The following SPATA13 variants were observed in gnomAD, a reference collection of about 807,000 sequenced individuals.
SPATA13 encodes the protein spermatogenesis-associated protein 13.
SPATA13 carries 50 observed loss-of-function variants against 104.0 expected under a neutral mutation model. The observed-to-expected ratio is 0.48, with a 90% CI of 0.38 to 0.61. The LOEUF (loss-of-function observed/expected upper bound fraction) is 0.61, where lower values mean the gene tolerates loss of function less well. SPATA13 is among the 20% of genes least tolerant of loss of function. SPATA13 has a pLI of 0.00. For synonymous variants in SPATA13, 606 were observed against 667.5 expected, an observed-to-expected ratio of 0.91 and a Z score of 1.42; for missense variants, 1,524 against 1,690.6, an observed-to-expected ratio of 0.90 and a Z score of 1.73.
intron 3 of SPATA13, among the ~76,000 whole-genome samples, chr13:24,142,133 T>G (rs1881783106): frequency 6.6e-6 from 1 of 151,560 alleles, no homozygotes; most frequent in South Asian, 2.1e-4. Context: ...AGCTTTTTTA[T>G]GCTACAAATA....
At chr13:24,087,367 C>T (rs1319791857) in intron 3 of SPATA13, among the ~76,000 whole-genome samples, 1 of 152,228 alleles carries the variant, frequency 6.6e-6, no homozygotes, top group African/African-American at 2.4e-5. Flanking sequence ...CTCCCTCCCC[C>T]AGGGGCAGGA....
chr13:24,249,766 G>A lies in SPATA13; in HGVS notation c.1943G>A (p.Arg648His), dbSNP rs764428674. ...TGCCCCAAAGGAGCCCGGAGAAGGC[G>A]CCCCATTTCCGTGATAGGTGGGGTC... ...VGCPKGARRR[R>H]PISVIGGVSL... The change falls in exon 3 of 13, where the codon CGC becomes CAC. Residue 648 changes from arginine (R) to histidine (H), a missense_variant. By Grantham distance (29) the Arg-to-His change is conservative. Around this residue, in one of 2 missense-constraint regions of SPATA13, gnomAD observed 1,089 missense variants for 1,135.9 expected, o/e 0.96. Transcript: ENST00000382108. 16 of 1,614,058 alleles carry A rather than the reference G, an allele frequency of 9.9e-6. No individual in the cohort carries two copies. The Admixed American group carries it at 1.8e-4, about 18-fold the overall frequency.
chr13:24,095,677 C>T (rs1338927838), intron 3 of SPATA13, among the ~76,000 whole-genome samples: 1 of 152,144 alleles, frequency 6.6e-6, no homozygotes, highest in Admixed American at 6.5e-5. Context: ...GACTTCTCTT[C>T]TATGTGGATG....
In SPATA13 at chr13:24,302,729, C is replaced by T; in HGVS notation, c.3790C>T (p.Leu1264Phe). 1 of 1,614,164 alleles carries T rather than the reference C, an allele frequency of 6.2e-7. No individual in the cohort carries two copies. Among genetic ancestry groups the T allele is most frequent in the Non-Finnish European group, 8.5e-7 (1 of 1,180,040 alleles). ...GLAEPKRKSS[L>F]FWHTFNRLTP... ...GGCGGAACCCAAGAGGAAGTCCTCGCTCTTCTGGCACACCTTCAACAGGCT... is the reference window on the plus strand; with the variant it reads ...GGCGGAACCCAAGAGGAAGTCCTCGTTCTTCTGGCACACCTTCAACAGGCT... The change falls in exon 13 of 13, where the codon CTC becomes TTC. Residue 1264 changes from leucine to phenylalanine, a missense_variant. Leu to Phe is a conservative substitution (Grantham distance 22). This residue lies in a region of SPATA13 where 435 missense variants were observed against 554.8 expected (regional missense o/e 0.78). Coordinates refer to ENST00000382108, the MANE Select transcript of SPATA13 (RefSeq NM_001166271.3).
chr13:24,284,041 T>C, intron 4 of SPATA13, 94 bp from the exon 5 acceptor site: 1 of 1,306,622 alleles, frequency 7.7e-7, no homozygotes, highest in Admixed American at 2.2e-5. Flanking sequence ...GATGATTACC[T>C]TCCCTTGGGA....
chr13:24,305,624 C>T lies in SPATA13; in HGVS notation c.*2851C>T, dbSNP rs1156569049. ...TCCTCCATGGACAGTGTATGAATTT[C>T]ATTGGGAATCTTGCTCTCTCCCGCC... On this transcript the variant is annotated 3_prime_UTR_variant, in exon 13 of 13. Transcript: ENST00000382108. 6.6e-6 allele frequency: 1 copy of T among 152,208 alleles called. No individual in the cohort carries two copies. Among genetic ancestry groups the T allele is most frequent in the Non-Finnish European group, 1.5e-5 (1 of 68,038 alleles). The allele number at this position is 152,208 out of a possible 1,614,324, so 9.4% of individuals were successfully genotyped here.
chr13:24,183,785 A>T (rs1220576), intron 1 of SPATA13, among the ~76,000 whole-genome samples: 76,411 of 151,890 alleles, frequency 0.5, 22,517 homozygotes, highest in Non-Finnish European at 0.66. Flanking sequence ...TGGGGTGAGA[A>T]GGGGGCGGGG....
At position 24,223,797 on chromosome 13, in the gene SPATA13, C is replaced by G. The variant is rs1157433146; in HGVS notation, c.868C>G (p.Leu290Val). The G allele has an allele frequency of 1.3e-6, 2 of 1,551,822 alleles. No individual in the cohort carries two copies. Among genetic ancestry groups the G allele is most frequent in the Middle Eastern group, 1.7e-4 (1 of 5,992 alleles). The change falls in exon 2 of 13, where the codon CTG (leucine) becomes GTG (valine). Residue 290 changes from leucine to valine, a missense_variant. Transcript: ENST00000382108. ...TGACGCACGGGTACCACAGAGGACC[C>G]TGAGCAGTTCCTCCACTGACTCCCA... is the stretch of plus-strand genomic sequence containing the variant. ...AHDARVPQRT[L>V]SSSSTDSQKL...
intron 3 of SPATA13, among the ~76,000 whole-genome samples, chr13:24,018,355 A>G (rs946554634): frequency 6.6e-5 from 10 of 152,184 alleles, no homozygotes; most frequent in Admixed American, 1.3e-4. Context: ...TTTCCATCTT[A>G]GCATTATTTG....
intron 2 of SPATA13, among the ~76,000 whole-genome samples, chr13:23,991,265 G>T (rs935952638): frequency 1.3e-5 from 2 of 152,200 alleles, no homozygotes; most frequent in Non-Finnish European, 2.9e-5. Context: ...ATACATTCGT[G>T]TCCCTCTCTG....
At chr13:24,280,672 G>A (rs1447224132) in intron 4 of SPATA13, among the ~76,000 whole-genome samples, 1 of 152,126 alleles carries the variant, frequency 6.6e-6, no homozygotes, top group African/African-American at 2.4e-5. Flanking sequence ...CGGCCAGTAA[G>A]CAGCACAGTT....
chr13:24,001,819 G>C (rs1469622062), intron 2 of SPATA13, among the ~76,000 whole-genome samples: 2 of 152,110 alleles, frequency 1.3e-5, no homozygotes, highest in Non-Finnish European at 2.9e-5. Flanking sequence ...GGTGAGGACT[G>C]AGCAGGTGAT....
chr13:24,063,172 G>A (rs1233132974), intron 3 of SPATA13, among the ~76,000 whole-genome samples: 4 of 152,110 alleles, frequency 2.6e-5, no homozygotes, highest in Middle Eastern at 3.2e-3. Flanking sequence ...TGCCCCACGT[G>A]AGGGTGAGCT....
Position 24,107,477 on chromosome 13 carries a change from T to G in SPATA13, c.-112+89776T>G, listed in dbSNP as rs557243058. ...AGGAATAAAAGCAAATGTACTTGCTTTCGACTTCAGCTGTTTCTCTCAGAA... is the reference window on the plus strand; with the variant it reads ...AGGAATAAAAGCAAATGTACTTGCTGTCGACTTCAGCTGTTTCTCTCAGAA... On this transcript the variant is annotated intron_variant, in intron 3 of 14. Coordinates refer to the SPATA13 transcript ENST00000424834. 5.3e-5 allele frequency among the ~76,000 whole-genome samples: 8 copies of G among 152,274 alleles called. No individual in the cohort carries two copies. The South Asian group carries it at 1.7e-3, about 32-fold the overall frequency.
rs530777482 is a variant in SPATA13 at position 24,113,019 on chromosome 13, G to A, written c.-112+95318G>A. Among the ~76,000 whole-genome samples, 29 of 152,316 alleles carry A rather than the reference G, an allele frequency of 1.9e-4. 1 individual carries two copies. The South Asian group carries it at 5.6e-3, about 29-fold the overall frequency. On this transcript the variant is annotated intron_variant, in intron 3 of 14. Coordinates refer to the SPATA13 transcript ENST00000424834. ...GCCAAGAAAGTCTGGCTTCCTGGAAGCCTAGGTTCCCAGGCATAGCCTCCC... is the reference window on the plus strand; with the variant it reads ...GCCAAGAAAGTCTGGCTTCCTGGAAACCTAGGTTCCCAGGCATAGCCTCCC...
chr13:24,025,369 G>A (rs1877165839), intron 3 of SPATA13, among the ~76,000 whole-genome samples: 1 of 152,022 alleles, frequency 6.6e-6, no homozygotes, highest in African/African-American at 2.4e-5. Flanking sequence ...ACATGTGTAT[G>A]TACATTCTTC....
intron 2 of SPATA13, among the ~76,000 whole-genome samples, chr13:24,242,866 A>C (rs1466112610): frequency 6.6e-6 from 1 of 152,220 alleles, no homozygotes; most frequent in African/African-American, 2.4e-5. Flanking sequence ...CCTAGGACAG[A>C]TAGTTGTAAC....
chr13:24,250,641 C>G (rs942863571), intron 3 of SPATA13, among the ~76,000 whole-genome samples: 2 of 152,136 alleles, frequency 1.3e-5, no homozygotes, highest in Non-Finnish European at 2.9e-5. Context: ...GGATTGTATA[C>G]GTCTACATTT....
At chr13:24,166,129 T>C (rs1882722817) in intron 1 of SPATA13, among the ~76,000 whole-genome samples, 1 of 152,256 alleles carries the variant, frequency 6.6e-6, no homozygotes, top group Non-Finnish European at 1.5e-5. Context: ...ATACCGATGA[T>C]ACTTCATGCT....
Sources: allele counts gnomAD v4.1 joint callset (sites outside exome capture counted in the v4.1 genomes callset), GRCh38; gene constraint gnomAD v4.1.1; regional missense constraint gnomAD v4.1.1; transcripts MANE v1.5; gene names NCBI Gene and HGNC (gene_info 2026-07-23, HGNC 2026-07-21).